Variants in OSBPL10 observed in about 807,000 individuals in gnomAD.
OSBPL10 encodes oxysterol-binding protein-related protein 10.
In OSBPL10, 49 loss-of-function variants were observed where a neutral mutation model predicts 81.7. The ratio of observed to expected loss-of-function variants is 0.60; its 90% CI spans 0.48 to 0.76. OSBPL10 has a LOEUF of 0.76. Ranked by LOEUF, OSBPL10 falls within the 30% of genes least tolerant of loss-of-function variation. OSBPL10 has a pLI of 0.00. For synonymous variants in OSBPL10, 419 were observed against 383.6 expected (o/e 1.09, Z -1.08); for missense variants, 923 against 987.8 (o/e 0.93, Z 0.88).
intron 1 of OSBPL10, among the ~76,000 whole-genome samples, chr3:31,949,169 C>A (rs1354079388): frequency 1.3e-5 from 2 of 152,074 alleles, no homozygotes; most frequent in Non-Finnish European, 2.9e-5. Flanking sequence ...TGCAAATCTG[C>A]CTCAATTGTC....
rs770326709 is a variant in OSBPL10, at chr3:31,670,878, A to G, written c.1832T>C (p.Val611Ala). ...CCCAGTCTTGGCACAGTTGATGCTGACTTTTCCTCCGAGCTCCACCCACGG... is the reference window on the plus strand; with the variant it reads ...CCCAGTCTTGGCACAGTTGATGCTGGCTTTTCCTCCGAGCTCCACCCACGG... ...TIPWVELGGK[V>A]SINCAKTGYS... Residue 611 changes from valine (V) to alanine (A), a missense_variant, in exon 9 of 12, where the codon GTC becomes GCC. Transcript: ENST00000396556. The G allele has an allele frequency of 1.2e-6, 2 of 1,614,102 alleles. No homozygotes were observed. Among genetic ancestry groups the G allele is most frequent in the South Asian group, 2.2e-5 (2 of 91,078 alleles).
chr3:31,930,003 C>CAAAAAAA (rs57256301), intron 1 of OSBPL10, among the ~76,000 whole-genome samples: 1,657 of 71,822 alleles, frequency 0.023, 197 homozygotes, highest in African/African-American at 0.068. Flanking sequence ...TGTCACCAAC[C>CAAAAAAA]AAAAAAAAAA....
intron 5 of OSBPL10, among the ~76,000 whole-genome samples, chr3:31,740,016 C>T (rs1697291039): frequency 6.6e-6 from 1 of 151,894 alleles, no homozygotes; most frequent in African/African-American, 2.4e-5. Context: ...TCACCCTGGT[C>T]CCAGCTCCAG....
At position 31,876,262 on chromosome 3, in the gene OSBPL10, A is replaced by T. The variant is rs903984411; in HGVS notation, c.537+171T>A. Among the ~76,000 whole-genome samples, 8 of 152,336 alleles carry T rather than the reference A, an allele frequency of 5.3e-5. 1 individual carries two copies. In the East Asian group the frequency reaches 9.6e-4, roughly 18 times the overall value. On this transcript the variant is annotated intron_variant, in intron 3 of 11. Transcript: ENST00000396556. ...CGTATTCTACCTACAAGAAAATCTTACTACATTTCTCCTGGCTTTAAATTT... is the reference window on the plus strand; with the variant it reads ...CGTATTCTACCTACAAGAAAATCTTTCTACATTTCTCCTGGCTTTAAATTT...
intron 1 of OSBPL10, among the ~76,000 whole-genome samples, chr3:31,954,988 C>A (rs570800372): frequency 1.3e-5 from 2 of 152,244 alleles, no homozygotes; most frequent in East Asian, 3.9e-4. Flanking sequence ...CTGTACAATT[C>A]TTTCAACATT....
intron 1 of OSBPL10, among the ~76,000 whole-genome samples, chr3:31,964,564 G>C (rs1575064485): frequency 6.6e-6 from 1 of 152,170 alleles, no homozygotes; most frequent in Non-Finnish European, 1.5e-5. Context: ...TTCACTTGAC[G>C]AGGTAAATAA....
chr3:31,771,045 T>C (rs1304177352), intron 4 of OSBPL10, among the ~76,000 whole-genome samples: 1 of 152,196 alleles, frequency 6.6e-6, no homozygotes, highest in Non-Finnish European at 1.5e-5. Context: ...GGGCTCACAA[T>C]AGTTCTCATC....
chr3:31,823,754 G>A (rs182608134), intron 4 of OSBPL10, among the ~76,000 whole-genome samples: 9 of 152,176 alleles, frequency 5.9e-5, no homozygotes, highest in Non-Finnish European at 8.8e-5. Flanking sequence ...TCTAGAGTGC[G>A]TGTTATATTA....
intron 2 of OSBPL10, among the ~76,000 whole-genome samples, chr3:32,028,102 T>C (rs904905601): frequency 1.3e-5 from 2 of 152,212 alleles, no homozygotes; most frequent in Admixed American, 1.3e-4. Context: ...TAAGATGGCA[T>C]CTTTCAACCC....
chr3:31,880,171 A>ATT (rs1480531192), intron 1 of OSBPL10, among the ~76,000 whole-genome samples: 1 of 152,244 alleles, frequency 6.6e-6, no homozygotes, highest in African/African-American at 2.4e-5. Flanking sequence ...GCCTCTTGCA[A>ATT]CATGCTCCAC....
intron 3 of OSBPL10, among the ~76,000 whole-genome samples, chr3:31,838,634 T>TA (rs1478337144): frequency 6.6e-6 from 1 of 150,626 alleles, no homozygotes; most frequent in East Asian, 1.9e-4. Flanking sequence ...TCACTTGAGG[T>TA]AAGTCACTCA....
chr3:31,756,248 G>A (rs527900501), intron 4 of OSBPL10, among the ~76,000 whole-genome samples: 146 of 152,202 alleles, frequency 9.6e-4, no homozygotes, highest in Non-Finnish European at 1.3e-3. Context: ...GGACTTCCTC[G>A]TATTTCTTTC....
intron 1 of OSBPL10, among the ~76,000 whole-genome samples, chr3:31,938,613 A>G (rs1697449150): frequency 6.6e-6 from 1 of 151,986 alleles, no homozygotes; most frequent in Admixed American, 6.5e-5. Context: ...GACTCAAGTG[A>G]TCCTCCCACC....
intron 3 of OSBPL10, among the ~76,000 whole-genome samples, chr3:31,848,391 G>T (rs918391861): frequency 6.6e-6 from 1 of 151,850 alleles, no homozygotes; most frequent in African/African-American, 2.4e-5. Flanking sequence ...AGGTCACGGT[G>T]GAAAATGTTT....
intron 4 of OSBPL10, among the ~76,000 whole-genome samples, chr3:31,766,329 G>GTTTTTT (rs148986285): frequency 8.9e-5 from 2 of 22,578 alleles, no homozygotes; most frequent in African/African-American, 1.5e-4. Flanking sequence ...TAGTTTTTTT[G>GTTTTTT]TTTTTTTGTT....
At chr3:31,901,697 C>T (rs954363227) in intron 1 of OSBPL10, among the ~76,000 whole-genome samples, 1 of 152,194 alleles carries the variant, frequency 6.6e-6, no homozygotes, top group Non-Finnish European at 1.5e-5. Flanking sequence ...AGGGCGGAAC[C>T]ACATCAGGAT....
At chr3:31,942,074 A>G (rs1469306256) in intron 1 of OSBPL10, among the ~76,000 whole-genome samples, 1 of 151,780 alleles carries the variant, frequency 6.6e-6, no homozygotes, top group African/African-American at 2.4e-5. Context: ...GGAGATTGAG[A>G]CCATCCTGGC....
intron 6 of OSBPL10, among the ~76,000 whole-genome samples, chr3:31,727,587 T>G (rs545977200): frequency 1.1e-4 from 16 of 152,290 alleles, no homozygotes; most frequent in African/African-American, 3.8e-4. Context: ...TATCACAGGA[T>G]TCAATAAAGT....
At chr3:31,693,778 A>AT (rs887340740) in intron 7 of OSBPL10, among the ~76,000 whole-genome samples, 4 of 152,288 alleles carry the variant, frequency 2.6e-5, no homozygotes, top group African/African-American at 7.2e-5. Context: ...ATTAAATAAA[A>AT]TTTTTTTAAG....
Sources: allele counts gnomAD v4.1 joint callset (sites outside exome capture counted in the v4.1 genomes callset), GRCh38; gene constraint gnomAD v4.1.1; transcripts MANE v1.5; gene names NCBI Gene and HGNC (gene_info 2026-07-23, HGNC 2026-07-21).